The following BLK variants were observed in gnomAD, a reference collection of about 807,000 sequenced individuals.
The protein encoded by BLK is tyrosine-protein kinase Blk.
In BLK, 64 loss-of-function variants were observed where a neutral mutation model predicts 61.8. The ratio of observed to expected loss-of-function variants is 1.03; its 90% CI spans 0.85 to 1.27. The LOEUF (loss-of-function observed/expected upper bound fraction) is 1.27, where lower values mean the gene tolerates loss of function less well. BLK is among the 50% of genes most tolerant of loss of function. BLK has a pLI of 0.00. For missense variants in BLK, 853 were observed against 660.5 expected, an observed-to-expected ratio of 1.29 and a Z score of -3.19; for synonymous variants, 351 against 272.0, an observed-to-expected ratio of 1.29 and a Z score of -2.86.
At chr8:11,534,316 T>C (rs77196636) in intron 1 of BLK, among the ~76,000 whole-genome samples, 1,628 of 152,310 alleles carry the variant, frequency 0.011, 23 homozygotes, top group African/African-American at 0.037. Flanking sequence ...ACAACTGTAG[T>C]TGGATTAACA....
intron 1 of BLK, among the ~76,000 whole-genome samples, chr8:11,512,523 A>G (rs1482909039): frequency 2.0e-5 from 3 of 152,222 alleles, no homozygotes; most frequent in Non-Finnish European, 4.4e-5. Context: ...TGTTTTACAA[A>G]TTATTTTAGT....
Position 11,548,450 on chromosome 8 carries a change from C to G in BLK, c.269+325C>G, listed in dbSNP as rs139429669. Among the ~76,000 whole-genome samples, 700 of 152,286 alleles carry G rather than the reference C, an allele frequency of 4.6e-3. 4 individuals are homozygous for G. Among genetic ancestry groups the G allele is most frequent in the African/African-American group, 0.016 (662 of 41,542 alleles). ...GGCTGGTCTGGCTGTTCCGTGAAAGCCTTGCATTTAAGCCAGTTGTGTCCA... is the reference window on the plus strand; with the variant it reads ...GGCTGGTCTGGCTGTTCCGTGAAAGGCTTGCATTTAAGCCAGTTGTGTCCA... On this transcript the variant is annotated intron_variant, in intron 4 of 12. Transcript: ENST00000259089.
At chr8:11,559,396 G>GACACAC (rs145806791) in intron 10 of BLK, among the ~76,000 whole-genome samples, 61,069 of 149,728 alleles carry the variant, frequency 0.41, 13,030 homozygotes, top group Non-Finnish European at 0.48. Flanking sequence ...CACACAGACA[G>GACACAC]ACACACACAC....
chr8:11,549,383 G>A (rs977828221), intron 5 of BLK, among the ~76,000 whole-genome samples: 2 of 152,276 alleles, frequency 1.3e-5, no homozygotes, highest in Admixed American at 6.5e-5. Flanking sequence ...GGATGGAACC[G>A]GCCCCAGTGT....
chr8:11,558,576 C>G (rs1311027360), intron 10 of BLK: 3 of 448,174 alleles, frequency 6.7e-6, no homozygotes, highest in Non-Finnish European at 1.3e-5. Flanking sequence ...ACAGCCCCAC[C>G]TTCTGCCACC....
chr8:11,511,944 T>G (rs1260979789), intron 1 of BLK, among the ~76,000 whole-genome samples: 1 of 152,210 alleles, frequency 6.6e-6, no homozygotes, highest in Non-Finnish European at 1.5e-5. Context: ...GGTGGAAAAG[T>G]AAGCATTTTC....
rs776080933 is a variant in BLK at position 11,561,434 on chromosome 8, G to T, written c.1162G>T (p.Glu388Ter). The change falls in exon 11 of 13, where the codon GAA becomes TAA. Residue 388 changes from glutamate (E) to a stop codon, truncating the protein, a stop_gained. Coordinates refer to ENST00000259089, the MANE Select transcript of BLK (RefSeq NM_001715.3). LOFTEE classifies it high-confidence loss of function. The stretch of plus-strand genomic sequence containing the variant: ...TGGCTTGGCTCGAATCATCGACAGT[G>T]AATACACGGCCCAAGAGGGTAAGCA... ...DFGLARIIDS[E>*]YTAQEGAKFP... The T allele has an allele frequency of 6.2e-7, 1 of 1,613,948 alleles. No homozygotes were observed.
Position 11,563,031 on chromosome 8 carries a change from C to T in BLK, c.1233C>T (p.Val411=). 3 of 1,614,168 alleles carry T rather than the reference C, an allele frequency of 1.9e-6. No individual in the cohort carries two copies. The highest frequency in any genetic ancestry group is 1.7e-6 in the Non-Finnish European group (2 of 1,180,030). ...WTAPEAIHFG[V]FTIKADVWSF... is the part of the protein sequence containing the mutation. The stretch of plus-strand genomic sequence containing the variant: ...CCCCGGAAGCCATCCACTTCGGGGT[C>T]TTCACCATCAAAGCAGACGTGTGGT... The change falls in exon 12 of 13, where the codon GTC becomes GTT. Residue 411 remains valine, a synonymous_variant. Transcript: ENST00000259089.
At position 11,564,240 on chromosome 8, in the gene BLK, G is replaced by A; in HGVS notation, c.*132G>A. 3.5e-6 allele frequency: 4 copies of A among 1,149,634 alleles called. No individual in the cohort carries two copies. Among genetic ancestry groups the A allele is most frequent in the South Asian group, 1.3e-5 (1 of 74,746 alleles). The allele number at this position is 1,149,634 out of a possible 1,614,324, so 71.2% of individuals were successfully genotyped here. ...TCAGACCCGGAATCCAGTGGGCAGA[G>A]GCAGCTTCGCAGGGGGTCCCCGGAC... On this transcript the variant is annotated 3_prime_UTR_variant, in exon 13 of 13. Coordinates refer to ENST00000259089, the MANE Select transcript of BLK (RefSeq NM_001715.3).
Position 11,564,080 on chromosome 8 carries a change from C to T in BLK, c.1490C>T (p.Thr497Ile). The T allele has an allele frequency of 6.3e-7, 1 of 1,590,734 alleles. No individual in the cohort carries two copies. Residue 497 changes from threonine to isoleucine, a missense_variant, in exon 13 of 13, where the codon ACC (threonine) becomes ATC (isoleucine). By Grantham distance (89) the Thr-to-Ile change is moderately conservative. Coordinates refer to ENST00000259089, the MANE Select transcript of BLK (RefSeq NM_001715.3). Reference protein sequence around the residue: ...QSVLEDFYTATERQYELQP With the variant: ...QSVLEDFYTAIERQYELQP The stretch of plus-strand genomic sequence containing the variant: ...GTGCTGGAGGACTTCTACACGGCCA[C>T]CGAGCGGCAGTACGAGCTGCAGCCC...
intron 1 of BLK, among the ~76,000 whole-genome samples, chr8:11,520,158 C>G (rs1211345501): frequency 6.6e-6 from 1 of 151,994 alleles, no homozygotes; most frequent in Non-Finnish European, 1.5e-5. Context: ...AGGGCTCATT[C>G]CACTGTGAAA....
Position 11,521,165 on chromosome 8 carries a change from AG to A in BLK, c.-1-22058del, listed in dbSNP as rs551286087. ...ATAAGGAAGGCAATTCAAATCAGTA[AG>A]AAAAATGGCTTTTAAAAAATTTATT... is the stretch of plus-strand genomic sequence containing the variant. On this transcript the variant is annotated intron_variant, in intron 1 of 12. Coordinates refer to ENST00000259089, the MANE Select transcript of BLK (RefSeq NM_001715.3). Among the ~76,000 whole-genome samples, 543 of 152,364 alleles carry A rather than the reference AG, an allele frequency of 3.6e-3. 1 individual carries two copies. Among genetic ancestry groups the A allele is most frequent in the African/African-American group, 0.013 (532 of 41,586 alleles).
intron 1 of BLK, among the ~76,000 whole-genome samples, chr8:11,518,591 C>T (rs1417009930): frequency 6.6e-6 from 1 of 152,090 alleles, no homozygotes. Flanking sequence ...CACCTCTCAC[C>T]GATCTCCTGC....
At chr8:11,500,341 G>A (rs1470637772) in intron 1 of BLK, among the ~76,000 whole-genome samples, 1 of 151,776 alleles carries the variant, frequency 6.6e-6, no homozygotes, top group Admixed American at 6.6e-5. Context: ...CTACAGGTGT[G>A]CACCACCACG....
At chr8:11,505,839 C>T (rs545096303) in intron 1 of BLK, among the ~76,000 whole-genome samples, 1 of 152,300 alleles carries the variant, frequency 6.6e-6, no homozygotes, top group East Asian at 1.9e-4. Flanking sequence ...CCTGAGGACT[C>T]CCTGGCACAC....
intron 1 of BLK, among the ~76,000 whole-genome samples, chr8:11,508,350 C>T (rs568438317): frequency 1.8e-4 from 28 of 152,322 alleles, no homozygotes; most frequent in Admixed American, 3.3e-4. Context: ...TCACATGGGG[C>T]GCGTGCTAGG....
At chr8:11,524,352 A>AT (rs964440963) in intron 1 of BLK, among the ~76,000 whole-genome samples, 38 of 151,978 alleles carry the variant, frequency 2.5e-4, no homozygotes, top group Admixed American at 1.6e-3. Flanking sequence ...GTTGTAACTG[A>AT]TTTTTTTTCC....
Position 11,499,517 on chromosome 8 carries a change from G to GC in BLK, c.-2+4927dup, listed in dbSNP as rs140739781. ...AGTCAGATGTGGGCATTCTTTCTTG[G>GC]CATGGGTACACTGCCGTGGCTTGTG... On this transcript the variant is annotated intron_variant, in intron 1 of 12. Transcript: ENST00000259089. Among the ~76,000 whole-genome samples, 737 of 152,310 alleles carry GC rather than the reference G, an allele frequency of 4.8e-3. 4 individuals carry two copies. Among genetic ancestry groups the GC allele is most frequent in the African/African-American group, 0.016 (663 of 41,562 alleles).
intron 10 of BLK, chr8:11,559,741 C>G: frequency 4.4e-6 from 2 of 456,240 alleles, no homozygotes; most frequent in Non-Finnish European, 8.8e-6. Flanking sequence ...TGCCTCGCCA[C>G]CCCTCTACCT....
Sources: gnomAD v4.1 joint callset for allele counts (sites outside exome capture counted in the v4.1 genomes callset) on GRCh38, gnomAD v4.1.1 for gene constraint, MANE v1.5 for transcripts, NCBI Gene and HGNC (gene_info 2026-07-23, HGNC 2026-07-21) for gene names.